Variants in CLSTN1 observed in about 807,000 individuals in gnomAD.
CLSTN1 encodes calsyntenin-1.
CLSTN1 carries 28 observed loss-of-function variants against 108.3 expected under a neutral mutation model. That is an observed-to-expected ratio of 0.26 (90% CI 0.19 to 0.35). The LOEUF is 0.35. Ranked by LOEUF, CLSTN1 falls within the 10% of genes least tolerant of loss-of-function variation. CLSTN1 has a pLI of 1.00. For missense variants in CLSTN1, 1,157 were observed against 1,302.6 expected, an observed-to-expected ratio of 0.89 and a Z score of 1.72; for synonymous variants, 524 against 534.9, an observed-to-expected ratio of 0.98 and a Z score of 0.28.
Position 9,730,152 on chromosome 1 carries a change from T to C in CLSTN1, c.*356A>G, listed in dbSNP as rs1650271056. 5.8e-6 allele frequency: 2 copies of C among 347,326 alleles called. No individual in the cohort carries two copies. Among genetic ancestry groups the C allele is most frequent in the Non-Finnish European group, 1.1e-5 (2 of 186,864 alleles). The allele number at this position is 347,326 out of a possible 1,614,324, so 21.5% of individuals were successfully genotyped here. The stretch of plus-strand genomic sequence containing the variant: ...GGTGGGAGTGAGCATGTTTTACCCT[T>C]TGTCAACGAGCCCAGCTGGCATGGC... On this transcript the variant is annotated 3_prime_UTR_variant, in exon 19 of 19. Transcript: ENST00000377298. This position sits in a 1 kb window ranked among gnomAD's most constrained non-coding sequence, Gnocchi z 5.6.
chr1:9,791,090 C>T (rs1160010413), intron 1 of CLSTN1, among the ~76,000 whole-genome samples: 5 of 145,212 alleles, frequency 3.4e-5, no homozygotes, highest in African/African-American at 7.6e-5. Context: ...TGCAGTGAGC[C>T]GAGATCGCAC....
In CLSTN1 at chr1:9,823,232, C is replaced by A. The variant is rs1051645148; in HGVS notation, c.91+411G>T. 2.0e-5 allele frequency among the ~76,000 whole-genome samples: 3 copies of A among 152,210 alleles called. No homozygotes were observed. Among genetic ancestry groups the A allele is most frequent in the African/African-American group, 7.2e-5 (3 of 41,460 alleles). ...AGCACACGTACACAGAGCATCTCAC[C>A]CAGGGGTGCAGCCCCAGCCTGCGTG... On this transcript the variant is annotated intron_variant, in intron 1 of 18. Transcript: ENST00000377298. The surrounding 1 kb of genome is among the most constrained non-coding windows in gnomAD (Gnocchi z 6.3).
chr1:9,794,082 T>C (rs1032092564), intron 1 of CLSTN1, among the ~76,000 whole-genome samples: 4 of 151,450 alleles, frequency 2.6e-5, no homozygotes, highest in Non-Finnish European at 5.9e-5. Context: ...CGGTAATGAC[T>C]TAAGGCACTC....
chr1:9,733,031 T>C (rs1249127139), intron 16 of CLSTN1, among the ~76,000 whole-genome samples: 1 of 152,044 alleles, frequency 6.6e-6, no homozygotes, highest in Non-Finnish European at 1.5e-5. Context: ...TCTCTAAAAA[T>C]AAATAAATAA....
chr1:9,765,855 C>A (rs1039414183), intron 2 of CLSTN1, among the ~76,000 whole-genome samples: 2 of 151,802 alleles, frequency 1.3e-5, no homozygotes, highest in African/African-American at 2.4e-5. Flanking sequence ...CCAGCCTGGG[C>A]GACACAGCGA....
chr1:9,742,906 G>C (rs575496429), intron 9 of CLSTN1, among the ~76,000 whole-genome samples: 2 of 151,620 alleles, frequency 1.3e-5, no homozygotes, highest in Non-Finnish European at 1.5e-5. Context: ...ACTCAGTCTC[G>C]GGGGAAAAAA....
chr1:9,733,298 T>TCA (rs1347952399), intron 16 of CLSTN1, 103 bp downstream of exon 16: 2 of 1,411,510 alleles, frequency 1.4e-6, no homozygotes, highest in Non-Finnish European at 2.0e-6. Context: ...ATAGCTGCCA[T>TCA]CATGAATGCT....
intron 1 of CLSTN1, among the ~76,000 whole-genome samples, chr1:9,785,709 G>C (rs1653455651): frequency 1.3e-5 from 2 of 151,872 alleles, no homozygotes; most frequent in African/African-American, 4.8e-5. Context: ...CCCCGTTAAG[G>C]AAAACCAATG....
In CLSTN1 at chr1:9,754,972, A is replaced by T. The variant is rs1056462609; in HGVS notation, c.440+142T>A. 15 of 628,852 alleles carry T rather than the reference A, an allele frequency of 2.4e-5. No individual in the cohort carries two copies. In the African/African-American group the frequency reaches 2.8e-4, roughly 12 times the overall value. 39.0% of individuals were successfully genotyped at this position (628,852 alleles called of 1,614,324 possible). A position where few individuals can be genotyped will look rare whatever the true frequency, so the allele number is the denominator to read the frequency against. The stretch of plus-strand genomic sequence containing the variant: ...GATTCCTGCCCTCCAAGTGTTTACA[A>T]TCTAATTGTAGACACTTGAGAACTA... On this transcript the variant is annotated intron_variant, in intron 4 of 18. Transcript: ENST00000377298.
At chr1:9,813,915 C>T (rs1004823804) in intron 1 of CLSTN1, among the ~76,000 whole-genome samples, 2 of 151,298 alleles carry the variant, frequency 1.3e-5, no homozygotes, top group Non-Finnish European at 2.9e-5. Context: ...CTGGCTAACA[C>T]GATGAAACCC....
rs1160866006 is a variant in CLSTN1, at chr1:9,744,447, A to G, written c.1182T>C (p.His394=). Residue 394 remains histidine (H), a synonymous_variant, in exon 8 of 19, where the codon CAT becomes CAC. Coordinates refer to ENST00000377298, the MANE Select transcript of CLSTN1 (RefSeq NM_001009566.3). ...TCTCCTTCTTCCTGCCGAATGGCCC[A>G]TGTCTCATCCACACCGAGATGGTGA... ...EPFTISVWMR[H]GPFGRKKETI... 2 of 1,610,630 alleles carry G rather than the reference A, an allele frequency of 1.2e-6. No homozygotes were observed. The highest frequency in any genetic ancestry group is 1.7e-5 in the Admixed American group (1 of 59,986).
chr1:9,770,815 G>A (rs1462046715), intron 2 of CLSTN1, among the ~76,000 whole-genome samples: 1 of 152,088 alleles, frequency 6.6e-6, no homozygotes, highest in Non-Finnish European at 1.5e-5. Flanking sequence ...CCAACACGGT[G>A]AAACCCTGTT....
At position 9,730,410 on chromosome 1, in the gene CLSTN1, G is replaced by A. The variant is rs1650293967; in HGVS notation, c.*98C>T. The A allele has an allele frequency of 1.3e-5, 15 of 1,181,180 alleles. No individual in the cohort carries two copies. In the South Asian group the frequency reaches 1.8e-4, roughly 14 times the overall value. The allele number at this position is 1,181,180 out of a possible 1,614,324, so 73.2% of individuals were successfully genotyped here. ...GCGGGGAGGGGTCTGCACACCTACT[G>A]GCCGAAATGACTTTGTACATCGTGG... On this transcript the variant is annotated 3_prime_UTR_variant, in exon 19 of 19. Coordinates refer to ENST00000377298, the MANE Select transcript of CLSTN1 (RefSeq NM_001009566.3). The surrounding 1 kb of genome is among the most constrained non-coding windows in gnomAD (Gnocchi z 5.6).
chr1:9,778,223 AACACACACACACACACACACAC>A (rs57372437), intron 1 of CLSTN1, among the ~76,000 whole-genome samples: 26 of 134,430 alleles, frequency 1.9e-4, no homozygotes, highest in Admixed American at 3.0e-4. Flanking sequence ...TCTCCTCCCC[AACACACACACACACACACACAC>A]ACACACACAC....
chr1:9,750,399 T>C (rs574413059), intron 5 of CLSTN1, among the ~76,000 whole-genome samples: 1 of 152,172 alleles, frequency 6.6e-6, no homozygotes, highest in Non-Finnish European at 1.5e-5. Context: ...TCAAAGATTC[T>C]AGACCGTGCA....
At chr1:9,743,822 T>A in intron 9 of CLSTN1, 62 bp downstream of exon 9, 1 of 1,584,258 alleles carries the variant, frequency 6.3e-7, no homozygotes, top group Non-Finnish European at 8.6e-7. Flanking sequence ...CCTCCCAAAG[T>A]GCTGGGATTA....
intron 1 of CLSTN1, among the ~76,000 whole-genome samples, chr1:9,806,961 T>C (rs1200022419): frequency 6.6e-6 from 1 of 152,080 alleles, no homozygotes; most frequent in Non-Finnish European, 1.5e-5. Context: ...TTTACCTTAC[T>C]TTCATTCTAT....
chr1:9,792,059 G>A (rs1653793424), intron 1 of CLSTN1, among the ~76,000 whole-genome samples: 1 of 151,016 alleles, frequency 6.6e-6, no homozygotes, highest in Non-Finnish European at 1.5e-5. Context: ...TGGGGCAGGA[G>A]AATCATTTGC....
chr1:9,735,462 C>T lies in CLSTN1; in HGVS notation c.1883+5G>A, dbSNP rs747188315. On this transcript the variant is annotated splice_donor_5th_base_variant and intron_variant, in intron 13 of 18. Coordinates refer to ENST00000377298, the MANE Select transcript of CLSTN1 (RefSeq NM_001009566.3). ...ACAGGCCGGCTGTTAAAAATCAGGACGTACTTGATTGTGCTGGTGATTTTG... is the reference window on the plus strand; with the variant it reads ...ACAGGCCGGCTGTTAAAAATCAGGATGTACTTGATTGTGCTGGTGATTTTG... 5.6e-6 allele frequency: 9 copies of T among 1,614,040 alleles called. No individual in the cohort carries two copies. Among genetic ancestry groups the T allele is most frequent in the South Asian group, 3.3e-5 (3 of 91,078 alleles).
Sources: allele counts gnomAD v4.1 joint callset (sites outside exome capture counted in the v4.1 genomes callset), GRCh38; gene constraint gnomAD v4.1.1; non-coding constraint Gnocchi (gnomAD v3.1); transcripts MANE v1.5; gene names NCBI Gene and HGNC (gene_info 2026-07-23, HGNC 2026-07-21).